The following FBF1 variants were observed in gnomAD, a reference collection of about 807,000 sequenced individuals.
The protein encoded by FBF1 is Fas binding factor 1.
In FBF1, 119 loss-of-function variants were observed where a neutral mutation model predicts 147.2. The observed-to-expected ratio is 0.81, with a 90% CI of 0.70 to 0.94. FBF1 has a LOEUF of 0.94. Ranked by LOEUF, FBF1 falls within the 40% of genes least tolerant of loss-of-function variation. The pLI is 0.00. For missense variants in FBF1, 1,449 were observed against 1,500.8 expected (o/e 0.97, Z 0.57); for synonymous variants, 601 against 609.0 (o/e 0.99, Z 0.19).
Position 75,910,046 on chromosome 17 carries a change from G to A in FBF1, c.*677C>T, listed in dbSNP as rs1326291881. ...CCCCACCATCGCCACAGCTCCCTCC[G>A]CCGCCGGTGGGGCACCCAGATGGGG... On this transcript the variant is annotated 3_prime_UTR_variant, in exon 30 of 30. Coordinates refer to ENST00000636174, the MANE Select transcript of FBF1 (RefSeq NM_001319193.2). The surrounding 1 kb of genome is among the most constrained non-coding windows in gnomAD (Gnocchi z 4.1). The A allele has an allele frequency of 1.1e-5, 7 of 644,648 alleles. No homozygotes were observed. The highest frequency in any genetic ancestry group is 6.2e-5 in the Admixed American group (3 of 48,014). 39.9% of individuals were successfully genotyped at this position (644,648 alleles called of 1,614,324 possible).
chr17:75,912,752 T>C, intron 28 of FBF1, among the ~76,000 whole-genome samples: 1 of 152,180 alleles, frequency 6.6e-6, no homozygotes, highest in Non-Finnish European at 1.5e-5. Flanking sequence ...TTTAAAAACA[T>C]GTACCAGGCT....
In FBF1 at chr17:75,918,037, C is replaced by G. The variant is rs2065499851; in HGVS notation, c.2280G>C (p.Lys760Asn). The change falls in exon 22 of 30, where the codon AAG becomes AAC. Residue 760 changes from lysine to asparagine, a missense_variant. Coordinates refer to ENST00000636174, the MANE Select transcript of FBF1 (RefSeq NM_001319193.2). The surrounding 1 kb of genome is among the most constrained non-coding windows in gnomAD (Gnocchi z 5.8). ...SLNSIIHQME[K>N]FSSSLHELSS... ...ACAACTCGTGCAGGCTGCTGGAGAA[C>G]TTCTCCATCTGGTGGATGATGCTAT... The G allele has an allele frequency of 6.2e-7, 1 of 1,611,686 alleles. No individual in the cohort carries two copies. The highest frequency in any genetic ancestry group is 1.3e-5 in the African/African-American group (1 of 74,908).
rs1383754120 is a variant in FBF1, at chr17:75,937,594, C to G, written c.4-1G>C. ...TACATCCTTTCTTGGTTTTTGGTGC[C>G]TAAAATGGGAAAAACAAATCACATC... On this transcript the variant is annotated splice_acceptor_variant, in intron 2 of 29. Coordinates refer to ENST00000636174, the MANE Select transcript of FBF1 (RefSeq NM_001319193.2). LOFTEE classifies it high-confidence loss of function. The G allele has an allele frequency of 2.5e-6, 4 of 1,613,722 alleles. No homozygotes were observed. Among genetic ancestry groups the G allele is most frequent in the African/African-American group, 1.3e-5 (1 of 74,842 alleles).
intron 7 of FBF1, among the ~76,000 whole-genome samples, chr17:75,929,611 A>G (rs1023002339): frequency 1.3e-5 from 2 of 152,192 alleles, no homozygotes; most frequent in Non-Finnish European, 2.9e-5. Context: ...ATGAGAAGAC[A>G]GCAGTATTGA....
At position 75,909,909 on chromosome 17, in the gene FBF1, G is replaced by A. The variant is rs965614622; in HGVS notation, c.*814C>T. 4 of 701,176 alleles carry A rather than the reference G, an allele frequency of 5.7e-6. No individual in the cohort carries two copies. The African/African-American group carries it at 7.0e-5, about 12-fold the overall frequency. The allele number at this position is 701,176 out of a possible 1,614,324, so 43.4% of individuals were successfully genotyped here. ...AAGCAGCGGGAGTGGAGGAGGATCA[G>A]AGAAACCTCTGTAGTTGTGATTGGT... On this transcript the variant is annotated 3_prime_UTR_variant, in exon 30 of 30. Coordinates refer to ENST00000636174, the MANE Select transcript of FBF1 (RefSeq NM_001319193.2).
At chr17:75,927,555 T>A (rs2144182168) in intron 8 of FBF1, 23 bp from the exon 9 acceptor site, 1 of 1,581,744 alleles carries the variant, frequency 6.3e-7, no homozygotes, top group South Asian at 1.2e-5. Context: ...GAAGACAAGG[T>A]CATGGGCCTG....
At position 75,915,039 on chromosome 17, in the gene FBF1, CTTTCCATGGCCATCTG is replaced by C; in HGVS notation, c.2590_2605del (p.Gln864GlyfsTer42). On this transcript the variant is annotated frameshift_variant, in exon 24 of 30. Coordinates refer to ENST00000636174, the MANE Select transcript of FBF1 (RefSeq NM_001319193.2). LOFTEE classifies it high-confidence loss of function. ...CACCTTGGCCCGTTCCAGCTCCGCCCTTTCCATGGCCATCTGCTGGGCCGTGACCTTCCTTTGCTCC... is the reference window on the plus strand; with the variant it reads ...CACCTTGGCCCGTTCCAGCTCCGCCCCTGGGCCGTGACCTTCCTTTGCTCC... The C allele has an allele frequency of 6.2e-7, 1 of 1,613,612 alleles. No homozygotes were observed. The highest frequency in any genetic ancestry group is 8.5e-7 in the Non-Finnish European group (1 of 1,179,876).
intron 23 of FBF1, among the ~76,000 whole-genome samples, chr17:75,915,684 C>A (rs551665387): frequency 6.6e-6 from 1 of 152,282 alleles, no homozygotes; most frequent in South Asian, 2.1e-4. Context: ...ACATCTCTGA[C>A]TAGTGGGATA....
In FBF1 at chr17:75,926,023, T is replaced by C. The variant is rs755691753; in HGVS notation, c.868+7A>G. 6.2e-7 allele frequency: 1 copy of C among 1,607,256 alleles called. No individual in the cohort carries two copies. Among genetic ancestry groups the C allele is most frequent in the East Asian group, 2.2e-5 (1 of 44,800 alleles). On this transcript the variant is annotated splice_region_variant and intron_variant, in intron 12 of 29. Transcript: ENST00000636174. ...CGTCCTGTTGCGGCCCCCGCAAGCC[T>C]CCTTACCCTGTGGCCTCTGGTACTT...
At chr17:75,937,959 G>C in intron 2 of FBF1, 188 bp downstream of exon 2, 1 of 795,322 alleles carries the variant, frequency 1.3e-6, no homozygotes. Flanking sequence ...TGGACACTCA[G>C]AGTCTCAGAA....
rs113852047 is a variant in FBF1 at position 75,934,050 on chromosome 17, C to T, written c.74-962G>A. Among the ~76,000 whole-genome samples the T allele has an allele frequency of 5.9e-3, 891 of 152,250 alleles. 9 individuals carry two copies. The highest frequency in any genetic ancestry group is 0.013 in the African/African-American group (530 of 41,538). ...ATATGGTCCAGGAATTCCAAATGAA[C>T]TGAAAACACATGTCCGCCCAAAAAC... On this transcript the variant is annotated intron_variant, in intron 4 of 29. Coordinates refer to ENST00000636174, the MANE Select transcript of FBF1 (RefSeq NM_001319193.2).
chr17:75,935,752 CAGAA>C (rs2065620642), intron 3 of FBF1, 79 bp from the exon 4 acceptor site: 3 of 1,343,862 alleles, frequency 2.2e-6, no homozygotes, highest in Non-Finnish European at 3.0e-6. Flanking sequence ...TGAGACTCGC[CAGAA>C]GGCGTCAGAC....
At position 75,923,516 on chromosome 17, in the gene FBF1, T is replaced by G; in HGVS notation, c.1094A>C (p.Glu365Ala). ...TGAGGCAGGGAACAGGTCCAAGTCC[T>G]CGTCCTTGAGGCCCAACCAGTCAGC... ...GGADWLGLKD[E>A]DLDLFPASPT... The change falls in exon 14 of 30, where the codon GAG (glutamate) becomes GCG (alanine). Residue 365 changes from glutamate (E) to alanine (A), a missense_variant. Physicochemically the swap from Glu to Ala is moderately radical, Grantham distance 107 (BLOSUM62 -1). Coordinates refer to ENST00000636174, the MANE Select transcript of FBF1 (RefSeq NM_001319193.2). The surrounding 1 kb of genome is among the most constrained non-coding windows in gnomAD (Gnocchi z 4.1). 1.2e-6 allele frequency: 2 copies of G among 1,605,664 alleles called. No individual in the cohort carries two copies. The highest frequency in any genetic ancestry group is 1.7e-6 in the Non-Finnish European group (2 of 1,176,426).
At position 75,921,957 on chromosome 17, in the gene FBF1, G is replaced by A; in HGVS notation, c.1514C>T (p.Pro505Leu). 6.4e-7 allele frequency: 1 copy of A among 1,551,148 alleles called. No individual in the cohort carries two copies. The highest frequency in any genetic ancestry group is 8.7e-7 in the Non-Finnish European group (1 of 1,146,964). ...AGCCCAGGCCTACCCCGAGACACCA[G>A]GCCTGACACACGGTCTTTCTCGTGC... ...TTARERPCVR[P>L]GVSGSPVTQN... The change falls in exon 15 of 30, where the codon CCT becomes CTT. Residue 505 changes from proline (P) to leucine (L), a missense_variant. Coordinates refer to ENST00000636174, the MANE Select transcript of FBF1 (RefSeq NM_001319193.2).
intron 17 of FBF1, 141 bp downstream of exon 17, chr17:75,921,103 C>T (rs1357406806): frequency 6.0e-6 from 5 of 837,616 alleles, no homozygotes; most frequent in Admixed American, 4.7e-5. Context: ...GGGGGGTGCC[C>T]GGGGAGCTGG....
In FBF1 at chr17:75,913,769, C is replaced by T. The variant is rs751842028; in HGVS notation, c.3180G>A (p.Gln1060=). ...GACCCACGAGGCTAGAGGGCAGGTC[C>T]TGTCGTGCGCGGTCCAGTTGCAGCC... is the stretch of plus-strand genomic sequence containing the variant. The part of the protein sequence containing the change: ...QQRLQLDRAR[Q]DLPSSLVGLF... The change falls in exon 28 of 30, where the codon CAG becomes CAA. Residue 1060 remains glutamine (Q), a synonymous_variant. Coordinates refer to ENST00000636174, the MANE Select transcript of FBF1 (RefSeq NM_001319193.2). The T allele has an allele frequency of 1.2e-6, 2 of 1,605,348 alleles. No individual in the cohort carries two copies. Among genetic ancestry groups the T allele is most frequent in the East Asian group, 2.2e-5 (1 of 44,828 alleles).
chr17:75,921,060 G>A (rs1376574527), intron 17 of FBF1, among the ~76,000 whole-genome samples, 184 bp downstream of exon 17: 1 of 152,234 alleles, frequency 6.6e-6, no homozygotes, highest in Non-Finnish European at 1.5e-5. Context: ...CTGCCCAGGA[G>A]CAGCGAGGCT....
chr17:75,917,658 G>A (rs2065496474), intron 23 of FBF1, 74 bp downstream of exon 23: 29 of 1,365,870 alleles, frequency 2.1e-5, no homozygotes, highest in Non-Finnish European at 2.7e-5. Flanking sequence ...CGGGAGTGCC[G>A]CTACACTTGC....
rs781619099 is a variant in FBF1, at chr17:75,912,265, G to A, written c.3290C>T (p.Pro1097Leu). ...PAPTTRWCSQPPTGLDPSPLH... is the reference protein window; with the variant it reads ...PAPTTRWCSQLPTGLDPSPLH... Reference sequence around the variant, plus strand: ...GGGGCTGGGGTCCAGGCCAGTTGGCGGCTGGCTGCACCAACGGGTGGTGGG... The same window carrying A: ...GGGGCTGGGGTCCAGGCCAGTTGGCAGCTGGCTGCACCAACGGGTGGTGGG... Residue 1097 changes from proline to leucine, a missense_variant, in exon 29 of 30, where the codon CCG (proline) becomes CTG (leucine). By Grantham distance (98) the Pro-to-Leu change is moderately conservative (BLOSUM62 -3). Coordinates refer to ENST00000636174, the MANE Select transcript of FBF1 (RefSeq NM_001319193.2). 17 of 1,610,012 alleles carry A rather than the reference G, an allele frequency of 1.1e-5. No individual in the cohort carries two copies. The African/African-American group carries it at 1.2e-4, about 11-fold the overall frequency.
Sources: allele counts gnomAD v4.1 joint callset (sites outside exome capture counted in the v4.1 genomes callset), GRCh38; gene constraint gnomAD v4.1.1; non-coding constraint Gnocchi (gnomAD v3.1); transcripts MANE v1.5; gene names NCBI Gene and HGNC (gene_info 2026-07-23, HGNC 2026-07-21).